The following PARD3B variants were observed in gnomAD, a reference collection of about 807,000 sequenced individuals.
The protein encoded by PARD3B is partitioning defective 3 homolog B.
In PARD3B, 103 loss-of-function variants were observed where a neutral mutation model predicts 130.2. That is an observed-to-expected ratio of 0.79 (90% CI 0.67 to 0.93). The LOEUF is 0.93. Among genes scored for constraint, PARD3B ranks in the 40% least tolerant of loss-of-function variants. The probability of loss-of-function intolerance (pLI) is 0.00; values close to 1 mark genes in which losing one functional copy is unlikely to be tolerated. For synonymous variants in PARD3B, 583 were observed against 553.2 expected, an observed-to-expected ratio of 1.05 and a Z score of -0.76; for missense variants, 1,609 against 1,499.2, an observed-to-expected ratio of 1.07 and a Z score of -1.21.
chr2:204,931,244 C>T (rs1263844839), intron 2 of PARD3B, among the ~76,000 whole-genome samples: 1 of 152,080 alleles, frequency 6.6e-6, no homozygotes, highest in Non-Finnish European at 1.5e-5. Context: ...TATTTGAGCT[C>T]AGTCAAATTT....
chr2:204,737,958 T>A (rs1187203063), intron 2 of PARD3B, among the ~76,000 whole-genome samples: 4 of 152,206 alleles, frequency 2.6e-5, no homozygotes, highest in African/African-American at 9.6e-5. Flanking sequence ...CCATGCTGTT[T>A]TGGTAACTGT....
At chr2:205,322,679 A>G (rs1180825004) in intron 18 of PARD3B, among the ~76,000 whole-genome samples, 2 of 152,052 alleles carry the variant, frequency 1.3e-5, no homozygotes, top group Non-Finnish European at 1.5e-5. Context: ...AGGAGTAGTA[A>G]CGTTCTACAG....
chr2:205,410,892 C>G (rs191027079), intron 19 of PARD3B, among the ~76,000 whole-genome samples: 3 of 152,150 alleles, frequency 2.0e-5, no homozygotes, highest in African/African-American at 7.2e-5. Context: ...TCTTCTCCCC[C>G]GTCACCACCC....
intron 15 of PARD3B, among the ~76,000 whole-genome samples, chr2:205,223,195 A>G (rs192246246): frequency 6.6e-6 from 1 of 152,346 alleles, no homozygotes; most frequent in Non-Finnish European, 1.5e-5. Flanking sequence ...CTTGAAGATG[A>G]ATAGAGGATA....
intron 20 of PARD3B, among the ~76,000 whole-genome samples, chr2:205,483,899 C>T (rs1359239871): frequency 6.6e-6 from 1 of 152,076 alleles, no homozygotes; most frequent in African/African-American, 2.4e-5. Context: ...GAAACTATCT[C>T]GAATAAAACA....
At position 204,984,543 on chromosome 2, in the gene PARD3B, A is replaced by G. The variant is rs143671034; in HGVS notation, c.394+19220A>G. 7.6e-3 allele frequency among the ~76,000 whole-genome samples: 1,162 copies of G among 152,136 alleles called. 17 individuals are homozygous for G. The highest frequency in any genetic ancestry group is 0.027 in the African/African-American group (1,101 of 41,440). ...ATGAATAACATTAATATTAAAATAA[A>G]TGTATGTGTATTCCTTTGTATTCAC... On this transcript the variant is annotated intron_variant, in intron 3 of 22. Coordinates refer to ENST00000406610, the MANE Select transcript of PARD3B (RefSeq NM_001302769.2).
intron 13 of PARD3B, among the ~76,000 whole-genome samples, chr2:205,178,234 A>G (rs1476754048): frequency 6.6e-6 from 1 of 150,448 alleles, no homozygotes; most frequent in Non-Finnish European, 1.5e-5. Flanking sequence ...GGGGGGAAAA[A>G]AAAAAGAAGA....
chr2:205,080,356 T>C (rs535587091), intron 4 of PARD3B, among the ~76,000 whole-genome samples: 8 of 152,266 alleles, frequency 5.3e-5, no homozygotes, highest in African/African-American at 1.9e-4. Flanking sequence ...TTCACTTTAA[T>C]GGTTATCTTC....
chr2:204,813,254 G>C (rs1227727927), intron 2 of PARD3B, among the ~76,000 whole-genome samples: 1 of 151,936 alleles, frequency 6.6e-6, no homozygotes, highest in Non-Finnish European at 1.5e-5. Flanking sequence ...AATAGTTGTG[G>C]GTTATGATTT....
chr2:205,066,984 C>A (rs542488404), intron 4 of PARD3B, among the ~76,000 whole-genome samples: 1 of 150,914 alleles, frequency 6.6e-6, no homozygotes, highest in East Asian at 2.0e-4. Flanking sequence ...CTGAACAAAA[C>A]TGGGGGATCT....
chr2:204,667,904 A>G (rs765503502), intron 1 of PARD3B, among the ~76,000 whole-genome samples: 9 of 152,202 alleles, frequency 5.9e-5, no homozygotes, highest in Non-Finnish European at 1.2e-4. Context: ...ACTTGTGAAG[A>G]TTTCAAAGAC....
At chr2:205,206,069 CTGG>C (rs1170622716) in intron 15 of PARD3B, among the ~76,000 whole-genome samples, 1 of 152,042 alleles carries the variant, frequency 6.6e-6, no homozygotes, top group Non-Finnish European at 1.5e-5. Flanking sequence ...GTGACTTTGT[CTGG>C]TCCTGGGCTT....
intron 2 of PARD3B, among the ~76,000 whole-genome samples, chr2:204,722,639 C>T (rs547611780): frequency 1.3e-5 from 2 of 152,314 alleles, no homozygotes; most frequent in African/African-American, 2.4e-5. Context: ...AGGTATCATG[C>T]TCTTTTTCAT....
chr2:204,588,950 G>A (rs1043371591), intron 1 of PARD3B, among the ~76,000 whole-genome samples: 1 of 151,810 alleles, frequency 6.6e-6, no homozygotes. Flanking sequence ...TATGGCCTTG[G>A]TTTTCTTTCT....
At chr2:205,582,665 A>ACTGTT in intron 22 of PARD3B, among the ~76,000 whole-genome samples, 1 of 147,774 alleles carries the variant, frequency 6.8e-6, no homozygotes, top group Non-Finnish European at 1.5e-5. Flanking sequence ...AAGGAAGGTT[A>ACTGTT]TTGTTTTTTT....
chr2:205,497,797 T>C (rs1041164764), intron 20 of PARD3B, among the ~76,000 whole-genome samples: 2 of 152,140 alleles, frequency 1.3e-5, no homozygotes, highest in African/African-American at 4.8e-5. Flanking sequence ...ATAAGTGTCA[T>C]GATTGATAAG....
chr2:204,931,730 G>A (rs560754133), intron 2 of PARD3B, among the ~76,000 whole-genome samples: 1 of 151,970 alleles, frequency 6.6e-6, no homozygotes, highest in South Asian at 2.1e-4. Context: ...CCTGTATCTG[G>A]TTAATTCACA....
chr2:204,622,019 G>T (rs565885769), intron 1 of PARD3B, among the ~76,000 whole-genome samples: 1 of 152,124 alleles, frequency 6.6e-6, no homozygotes, highest in African/African-American at 2.4e-5. Context: ...AGGGGGTGAG[G>T]GGCAGAGGGT....
At chr2:205,335,309 A>G (rs2043272884) in intron 18 of PARD3B, among the ~76,000 whole-genome samples, 1 of 152,216 alleles carries the variant, frequency 6.6e-6, no homozygotes. Flanking sequence ...TACAATGTCC[A>G]CTGGCTCTTG....
Sources: gnomAD v4.1 joint callset for allele counts (sites outside exome capture counted in the v4.1 genomes callset) on GRCh38, gnomAD v4.1.1 for gene constraint, MANE v1.5 for transcripts, NCBI Gene and HGNC (gene_info 2026-07-23, HGNC 2026-07-21) for gene names.